Variants in ESRRG observed in about 807,000 individuals in gnomAD.
The protein encoded by ESRRG is estrogen related receptor gamma.
Under a neutral mutation model 44.0 loss-of-function variants are expected in ESRRG, and 13 were observed. That is an observed-to-expected ratio of 0.30 (90% CI 0.19 to 0.47). ESRRG has a LOEUF of 0.47. Among genes scored for constraint, ESRRG ranks in the 20% least tolerant of loss-of-function variants. ESRRG has a pLI of 1.00. For missense variants in ESRRG, 395 were observed against 580.6 expected (o/e 0.68, Z 3.29); for synonymous variants, 215 against 214.6 (o/e 1.00, Z -0.02).
intron 2 of ESRRG, among the ~76,000 whole-genome samples, chr1:216,926,912 T>A: frequency 6.6e-6 from 1 of 152,054 alleles, no homozygotes; most frequent in East Asian, 1.9e-4. Context: ...CTAAGCGAGC[T>A]CTCCCTGCAC....
At chr1:216,580,125 G>T (rs2062464722) in intron 3 of ESRRG, among the ~76,000 whole-genome samples, 2 of 152,190 alleles carry the variant, frequency 1.3e-5, no homozygotes, top group South Asian at 4.1e-4. Context: ...TAGCCATGCA[G>T]TATGTATCAC....
intron 2 of ESRRG, among the ~76,000 whole-genome samples, chr1:216,871,584 A>G (rs541261257): frequency 6.6e-6 from 1 of 152,068 alleles, no homozygotes; most frequent in South Asian, 2.1e-4. Flanking sequence ...TGAAGTCTCT[A>G]ACTATAATTG....
chr1:216,797,731 A>T (rs976029960), intron 2 of ESRRG, among the ~76,000 whole-genome samples: 2 of 152,144 alleles, frequency 1.3e-5, no homozygotes, highest in Non-Finnish European at 2.9e-5. Context: ...ATCACATCGT[A>T]TCAAGGGTGT....
At chr1:216,861,792 A>G (rs1191870558) in intron 2 of ESRRG, among the ~76,000 whole-genome samples, 2 of 152,168 alleles carry the variant, frequency 1.3e-5, no homozygotes, top group African/African-American at 2.4e-5. Context: ...CAAATCATAA[A>G]ATCAAATAAA....
chr1:216,668,506 T>G (rs573194776), intron 2 of ESRRG, among the ~76,000 whole-genome samples: 2 of 152,166 alleles, frequency 1.3e-5, no homozygotes, highest in African/African-American at 4.8e-5. Flanking sequence ...CAAACTGGAG[T>G]TTCTAATATT....
chr1:216,845,035 G>A (rs1453364458), intron 2 of ESRRG, among the ~76,000 whole-genome samples: 1 of 151,972 alleles, frequency 6.6e-6, no homozygotes, highest in East Asian at 1.9e-4. Flanking sequence ...ATTTAAAGTA[G>A]CACTTTCCCT....
Position 216,505,831 on chromosome 1 carries a change from G to C in ESRRG, c.*1108C>G, listed in dbSNP as rs1174560386. The C allele has an allele frequency of 6.6e-6, 1 of 152,568 alleles. No individual in the cohort carries two copies. The highest frequency in any genetic ancestry group is 1.5e-5 in the Non-Finnish European group (1 of 68,024). 9.5% of individuals were successfully genotyped at this position (152,568 alleles called of 1,614,324 possible). On this transcript the variant is annotated 3_prime_UTR_variant, in exon 7 of 7. Coordinates refer to ENST00000408911, the MANE Select transcript of ESRRG (RefSeq NM_001438.4). ...TGCACCTTCCCTTCAACTATTGCTTGAGTAAGTTAAATTCCCATATTAATA... is the reference window on the plus strand; with the variant it reads ...TGCACCTTCCCTTCAACTATTGCTTCAGTAAGTTAAATTCCCATATTAATA...
At chr1:217,095,011 A>C (rs1037469578) in intron 1 of ESRRG, among the ~76,000 whole-genome samples, 2 of 150,944 alleles carry the variant, frequency 1.3e-5, no homozygotes, top group African/African-American at 2.5e-5. Context: ...TTGAAGTTGT[A>C]GGCAAAGTGT....
At chr1:217,065,344 A>G (rs2089448898) in intron 1 of ESRRG, among the ~76,000 whole-genome samples, 1 of 152,226 alleles carries the variant, frequency 6.6e-6, no homozygotes, top group South Asian at 2.1e-4. Flanking sequence ...CCCAATTCCC[A>G]TAGAAATCTC....
At chr1:216,556,877 C>T (rs900505484) in intron 5 of ESRRG, among the ~76,000 whole-genome samples, 2 of 152,050 alleles carry the variant, frequency 1.3e-5, no homozygotes, top group Admixed American at 6.6e-5. Flanking sequence ...TCATTAAATG[C>T]TTATGCATGG....
At chr1:216,559,077 C>T (rs1283443229) in intron 5 of ESRRG, among the ~76,000 whole-genome samples, 2 of 152,032 alleles carry the variant, frequency 1.3e-5, no homozygotes, top group Admixed American at 6.6e-5. Context: ...GCCATGTTGG[C>T]CAGCCTGATC....
chr1:216,912,205 G>A (rs1451513932), intron 2 of ESRRG, among the ~76,000 whole-genome samples: 1 of 15,534 alleles, frequency 6.4e-5, no homozygotes, highest in African/African-American at 2.9e-4. Flanking sequence ...GGAGAGGAGA[G>A]GAGAGGAGAG....
At chr1:216,928,323 T>G (rs905770806) in intron 2 of ESRRG, among the ~76,000 whole-genome samples, 1 of 152,136 alleles carries the variant, frequency 6.6e-6, no homozygotes, top group African/African-American at 2.4e-5. Flanking sequence ...TCAGAGGATG[T>G]CTCAGTTTTT....
At chr1:217,125,894 G>T (rs1455763620) in intron 1 of ESRRG, among the ~76,000 whole-genome samples, 1 of 152,148 alleles carries the variant, frequency 6.6e-6, no homozygotes, top group East Asian at 1.9e-4. Flanking sequence ...GCTTGAATTT[G>T]CTGTGTATGA....
chr1:216,686,630 T>C (rs2078033925), intron 1 of ESRRG, among the ~76,000 whole-genome samples: 1 of 150,414 alleles, frequency 6.6e-6, no homozygotes, highest in African/African-American at 2.4e-5. Context: ...AAAAATCAAC[T>C]AAAAAAAAAG....
chr1:216,984,087 CAAAG>C (rs2074467690), intron 1 of ESRRG, among the ~76,000 whole-genome samples: 1 of 151,912 alleles, frequency 6.6e-6, no homozygotes, highest in African/African-American at 2.4e-5. Context: ...TATAAATAAC[CAAAG>C]AACACGACTA....
chr1:217,063,270 C>A (rs1218907500), intron 1 of ESRRG, among the ~76,000 whole-genome samples: 1 of 152,190 alleles, frequency 6.6e-6, no homozygotes, highest in Non-Finnish European at 1.5e-5. Flanking sequence ...GGCAACCGAA[C>A]AAGCCACCTC....
chr1:217,119,885 G>A (rs776911792), intron 1 of ESRRG, among the ~76,000 whole-genome samples: 12 of 152,182 alleles, frequency 7.9e-5, no homozygotes, highest in Non-Finnish European at 1.8e-4. Flanking sequence ...AATTGGGTGG[G>A]CCTTGGGGCC....
chr1:216,585,817 G>T (rs12087880), intron 3 of ESRRG, among the ~76,000 whole-genome samples: 6,755 of 152,116 alleles, frequency 0.044, 230 homozygotes, highest in African/African-American at 0.098. Flanking sequence ...GAGGTGGGCG[G>T]ATCACGAGGT....
Sources: allele counts gnomAD v4.1 joint callset (sites outside exome capture counted in the v4.1 genomes callset), GRCh38; gene constraint gnomAD v4.1.1; transcripts MANE v1.5; gene names NCBI Gene and HGNC (gene_info 2026-07-23, HGNC 2026-07-21).